The following NRXN1 variants were observed in gnomAD, a reference collection of about 807,000 sequenced individuals.
NRXN1 encodes the protein neurexin 1.
NRXN1 carries 39 observed loss-of-function variants against 150.9 expected under a neutral mutation model. That is an observed-to-expected ratio of 0.26 (90% CI 0.20 to 0.34). The LOEUF (loss-of-function observed/expected upper bound fraction) is 0.34, where lower values mean the gene tolerates loss of function less well. Ranked by LOEUF, NRXN1 falls within the 10% of genes least tolerant of loss-of-function variation. The pLI, the probability that NRXN1 is intolerant of heterozygous loss-of-function variation, is 1.00. For synonymous variants in NRXN1, 924 were observed against 757.0 expected, an observed-to-expected ratio of 1.22 and a Z score of -3.62; for missense variants, 1,815 against 1,949.9, an observed-to-expected ratio of 0.93 and a Z score of 1.30.
chr2:50,036,850 A>G (rs1558742693), intron 21 of NRXN1, among the ~76,000 whole-genome samples: 1 of 152,180 alleles, frequency 6.6e-6, no homozygotes, highest in East Asian at 1.9e-4. Flanking sequence ...TTCATCTTAG[A>G]TAGCCAGTCT....
intron 21 of NRXN1, among the ~76,000 whole-genome samples, chr2:50,041,297 TA>T (rs940470154): frequency 1.3e-5 from 2 of 152,252 alleles, no homozygotes; most frequent in African/African-American, 4.8e-5. Context: ...TATTTGCCTA[TA>T]AAAAAATCAT....
chr2:50,306,032 C>T (rs1005708282), intron 17 of NRXN1, among the ~76,000 whole-genome samples: 4 of 152,144 alleles, frequency 2.6e-5, no homozygotes, highest in African/African-American at 9.7e-5. Context: ...CAACCTAGAC[C>T]TTGTGTGATT....
chr2:50,711,916 A>C lies in NRXN1; in HGVS notation c.833-88301T>G, dbSNP rs147127959. 1.1e-4 allele frequency among the ~76,000 whole-genome samples: 16 copies of C among 152,168 alleles called. No individual in the cohort carries two copies. The East Asian group carries it at 3.1e-3, about 29-fold the overall frequency. On this transcript the variant is annotated intron_variant, in intron 5 of 22. Coordinates refer to ENST00000401669, the MANE Select transcript of NRXN1 (RefSeq NM_001330078.2). ...TGAGGCAAGAAGCCCATCACCAGAC[A>C]CCAGACGCCGGCACCTTGATCTTGG... is the stretch of plus-strand genomic sequence containing the variant.
At chr2:50,832,661 AAAAC>A (rs148515428) in intron 5 of NRXN1, among the ~76,000 whole-genome samples, 11,742 of 152,020 alleles carry the variant, frequency 0.077, 508 homozygotes, top group Admixed American at 0.082. Flanking sequence ...TCCCGTCTCA[AAAAC>A]AAACAAACAA....
At chr2:50,737,476 A>C (rs1404670777) in intron 5 of NRXN1, among the ~76,000 whole-genome samples, 3 of 152,220 alleles carry the variant, frequency 2.0e-5, no homozygotes, top group Non-Finnish European at 1.5e-5. Flanking sequence ...AAAGTTAAGT[A>C]ACTTTCTCAA....
chr2:50,797,905 T>A (rs1384765342), intron 5 of NRXN1, among the ~76,000 whole-genome samples: 1 of 152,174 alleles, frequency 6.6e-6, no homozygotes, highest in Non-Finnish European at 1.5e-5. Flanking sequence ...CAGTGTAAGC[T>A]AAAAGAACAG....
At chr2:51,016,302 AC>A (rs1668654111) in intron 2 of NRXN1, among the ~76,000 whole-genome samples, 1 of 152,166 alleles carries the variant, frequency 6.6e-6, no homozygotes, top group Non-Finnish European at 1.5e-5. Flanking sequence ...AAAACAAACT[AC>A]CATCAGAGTG....
At position 50,293,634 on chromosome 2, in the gene NRXN1, A is replaced by AT. The variant is rs1294252736; in HGVS notation, c.3365-56665_3365-56664insA. The stretch of plus-strand genomic sequence containing the variant: ...TAGGAAGACATGATACACTGGTATA[A>AT]GTAAAGGAGAAAGGAAGGAGACATA... On this transcript the variant is annotated intron_variant, in intron 17 of 22. Transcript: ENST00000401669. Among the ~76,000 whole-genome samples the AT allele has an allele frequency of 3.9e-5, 6 of 152,292 alleles. No homozygotes were observed. In the East Asian group the frequency reaches 1.2e-3, roughly 30 times the overall value.
chr2:50,087,078 T>A (rs752403881), intron 19 of NRXN1, among the ~76,000 whole-genome samples: 8 of 152,184 alleles, frequency 5.3e-5, no homozygotes, highest in Non-Finnish European at 7.4e-5. Context: ...AATTTGCTAC[T>A]GATTTCACAA....
At chr2:50,316,701 C>A (rs1003432197) in intron 17 of NRXN1, among the ~76,000 whole-genome samples, 3 of 152,080 alleles carry the variant, frequency 2.0e-5, no homozygotes, top group Non-Finnish European at 4.4e-5. Flanking sequence ...TAATAAGTAA[C>A]AAACACATGT....
At chr2:50,218,742 C>T (rs2063578406) in intron 18 of NRXN1, among the ~76,000 whole-genome samples, 1 of 151,850 alleles carries the variant, frequency 6.6e-6, no homozygotes, top group Non-Finnish European at 1.5e-5. Context: ...AAGTGAGCCT[C>T]TAAGGGAAAT....
intron 5 of NRXN1, among the ~76,000 whole-genome samples, chr2:50,641,710 A>G (rs1327112020): frequency 6.6e-6 from 1 of 152,078 alleles, no homozygotes; most frequent in Admixed American, 6.6e-5. Flanking sequence ...GAATAATTTA[A>G]CTTCTCTTGG....
chr2:50,414,572 T>A (rs577720669), intron 17 of NRXN1, among the ~76,000 whole-genome samples: 1 of 152,036 alleles, frequency 6.6e-6, no homozygotes, highest in African/African-American at 2.4e-5. Flanking sequence ...GTATTGTCTA[T>A]CTTTCTTTGG....
At chr2:50,757,508 C>G (rs1034511848) in intron 5 of NRXN1, among the ~76,000 whole-genome samples, 1 of 151,624 alleles carries the variant, frequency 6.6e-6, no homozygotes, top group African/African-American at 2.4e-5. Context: ...CCATGGATCC[C>G]CAAAATATGT....
chr2:50,692,369 G>T (rs1485366261), intron 5 of NRXN1, among the ~76,000 whole-genome samples: 2 of 152,094 alleles, frequency 1.3e-5, no homozygotes, highest in Non-Finnish European at 2.9e-5. Flanking sequence ...GCTATGTGTT[G>T]TATGTTAGCA....
At chr2:50,701,465 A>G (rs1693730451) in intron 5 of NRXN1, among the ~76,000 whole-genome samples, 1 of 152,224 alleles carries the variant, frequency 6.6e-6, no homozygotes, top group Non-Finnish European at 1.5e-5. Flanking sequence ...ATCAAGGCTC[A>G]GGAAAATTAA....
intron 5 of NRXN1, among the ~76,000 whole-genome samples, chr2:50,689,147 ATATG>A (rs1439286429): frequency 6.6e-6 from 1 of 152,174 alleles, no homozygotes; most frequent in Non-Finnish European, 1.5e-5. Flanking sequence ...TAAATTTAAT[ATATG>A]TAAGTTTGTT....
chr2:50,637,897 A>G (rs763691372), intron 5 of NRXN1, among the ~76,000 whole-genome samples: 1 of 152,134 alleles, frequency 6.6e-6, no homozygotes, highest in Non-Finnish European at 1.5e-5. Flanking sequence ...TTTTCCTAGG[A>G]TGATGAAATT....
At chr2:50,782,109 A>G (rs554114530) in intron 5 of NRXN1, among the ~76,000 whole-genome samples, 1 of 152,188 alleles carries the variant, frequency 6.6e-6, no homozygotes, top group Non-Finnish European at 1.5e-5. Context: ...TGCTAAACAA[A>G]AGATTTACCA....
Sources: allele counts gnomAD v4.1 joint callset (sites outside exome capture counted in the v4.1 genomes callset), GRCh38; gene constraint gnomAD v4.1.1; transcripts MANE v1.5; gene names NCBI Gene and HGNC (gene_info 2026-07-23, HGNC 2026-07-21).